Variants in PLCB1 observed in about 807,000 individuals in gnomAD.
The protein encoded by PLCB1 is phospholipase C beta 1, also known as 1-phosphatidylinositol 4,5-bisphosphate phosphodiesterase beta-1.
PLCB1 carries 46 observed loss-of-function variants against 161.8 expected under a neutral mutation model. That is an observed-to-expected ratio of 0.28 (90% CI 0.22 to 0.36). The LOEUF is 0.36. Ranked by LOEUF, PLCB1 falls within the 10% of genes least tolerant of loss-of-function variation. The pLI, the probability that PLCB1 is intolerant of heterozygous loss-of-function variation, is 1.00. For missense variants in PLCB1, 1,016 were observed against 1,472.5 expected (o/e 0.69, Z 5.07); for synonymous variants, 517 against 503.7 (o/e 1.03, Z -0.35).
intron 3 of PLCB1, among the ~76,000 whole-genome samples, chr20:8,402,311 A>T (rs925737311): frequency 6.6e-6 from 1 of 152,162 alleles, no homozygotes; most frequent in Non-Finnish European, 1.5e-5. Context: ...ATGCAAGCAG[A>T]AAATATGTCT....
intron 20 of PLCB1, among the ~76,000 whole-genome samples, chr20:8,737,608 G>A (rs555586211): frequency 6.6e-6 from 1 of 152,292 alleles, no homozygotes; most frequent in South Asian, 2.1e-4. Context: ...TAGCCTCTGA[G>A]AGCTGGTCAT....
intron 3 of PLCB1, among the ~76,000 whole-genome samples, chr20:8,560,044 T>C (rs774715272): frequency 6.6e-6 from 1 of 152,024 alleles, no homozygotes; most frequent in South Asian, 2.1e-4. Context: ...TTGTAGACTT[T>C]ATAGTCCAAG....
At chr20:8,240,278 T>TCA (rs1980534224) in intron 2 of PLCB1, among the ~76,000 whole-genome samples, 1 of 54,382 alleles carries the variant, frequency 1.8e-5, no homozygotes, top group Non-Finnish European at 3.6e-5. Context: ...TTCATGATAT[T>TCA]GACACACACA....
intron 2 of PLCB1, among the ~76,000 whole-genome samples, chr20:8,160,119 TA>T (rs2051607815): frequency 6.6e-6 from 1 of 151,876 alleles, no homozygotes; most frequent in Admixed American, 6.6e-5. Flanking sequence ...TGCTAAAACA[TA>T]ACAAGAGTGT....
intron 14 of PLCB1, among the ~76,000 whole-genome samples, chr20:8,721,816 T>A (rs1979648605): frequency 6.6e-6 from 1 of 152,278 alleles, no homozygotes; most frequent in East Asian, 1.9e-4. Flanking sequence ...GCTCCTAACT[T>A]CTTTGACTTC....
At chr20:8,459,020 TA>T in intron 3 of PLCB1, among the ~76,000 whole-genome samples, 1 of 152,340 alleles carries the variant, frequency 6.6e-6, no homozygotes, top group South Asian at 2.1e-4. Context: ...CTGATGCCAT[TA>T]GACAATTTAA....
chr20:8,622,228 T>C (rs1988205630), intron 3 of PLCB1, among the ~76,000 whole-genome samples: 1 of 148,692 alleles, frequency 6.7e-6, no homozygotes, highest in South Asian at 2.1e-4. Context: ...CATTCCAGCC[T>C]GGTGACAGAG....
rs1472842586 is a variant in PLCB1 at position 8,762,340 on chromosome 20, T to C, written c.2710+1880T>C. Reference sequence around the variant, plus strand: ...GACAAAAGGCAATGGTCTGTACCAATACATTAGCTGTGATTATATCTTGGT... The same window carrying C: ...GACAAAAGGCAATGGTCTGTACCAACACATTAGCTGTGATTATATCTTGGT... On this transcript the variant is annotated intron_variant, in intron 25 of 31. Coordinates refer to ENST00000338037, the MANE Select transcript of PLCB1 (RefSeq NM_015192.4). Among the ~76,000 whole-genome samples the C allele has an allele frequency of 2.0e-5, 3 of 152,248 alleles. No homozygotes were observed. In the East Asian group the frequency reaches 5.8e-4, roughly 29 times the overall value.
At position 8,215,291 on chromosome 20, in the gene PLCB1, C is replaced by T. The variant is rs150815543; in HGVS notation, c.177+64920C>T. On this transcript the variant is annotated intron_variant, in intron 2 of 31. Transcript: ENST00000338037. ...AATCGATTTGTTAATCTCAAAAGGC[C>T]GTAAAAACCTGAAAACTTAAGTAGC... Among the ~76,000 whole-genome samples, 321 of 151,738 alleles carry T rather than the reference C, an allele frequency of 2.1e-3. 3 individuals are homozygous for T. Among genetic ancestry groups the T allele is most frequent in the Middle Eastern group, 0.017 (5 of 294 alleles).
In PLCB1 at chr20:8,647,887, G is replaced by T; in HGVS notation, c.465-13G>T. 3.7e-6 allele frequency: 6 copies of T among 1,606,626 alleles called. No individual in the cohort carries two copies. The highest frequency in any genetic ancestry group is 5.1e-6 in the Non-Finnish European group (6 of 1,174,446). The stretch of plus-strand genomic sequence containing the variant: ...AAAAAAATCAAACCCTTGTTTTTCT[G>T]CTTCTCCAACAGCTATACTAAACTT... On this transcript the variant is annotated splice_polypyrimidine_tract_variant and intron_variant, in intron 5 of 31. Coordinates refer to ENST00000338037, the MANE Select transcript of PLCB1 (RefSeq NM_015192.4).
At chr20:8,395,038 A>G (rs1987724501) in intron 3 of PLCB1, among the ~76,000 whole-genome samples, 1 of 152,154 alleles carries the variant, frequency 6.6e-6, no homozygotes, top group Non-Finnish European at 1.5e-5. Flanking sequence ...TAAAAATTAA[A>G]TTTGACTCTC....
At chr20:8,786,590 T>G (rs1227511652) in intron 27 of PLCB1, among the ~76,000 whole-genome samples, 1 of 152,212 alleles carries the variant, frequency 6.6e-6, no homozygotes, top group Non-Finnish European at 1.5e-5. Context: ...GCCCAGGACT[T>G]GAGCCAGATG....
intron 9 of PLCB1, among the ~76,000 whole-genome samples, chr20:8,678,267 C>T (rs1990134028): frequency 6.6e-6 from 1 of 152,138 alleles, no homozygotes; most frequent in African/African-American, 2.4e-5. Flanking sequence ...AAAGACTGAA[C>T]ACTGTAACTA....
At chr20:8,731,338 C>G (rs1326306315) in intron 18 of PLCB1, among the ~76,000 whole-genome samples, 1 of 151,824 alleles carries the variant, frequency 6.6e-6, no homozygotes, top group African/African-American at 2.4e-5. Flanking sequence ...AATCGAATTG[C>G]TGTCTTCTAG....
At chr20:8,459,374 A>T (rs1376812216) in intron 3 of PLCB1, among the ~76,000 whole-genome samples, 1 of 152,166 alleles carries the variant, frequency 6.6e-6, no homozygotes, top group Admixed American at 6.5e-5. Flanking sequence ...TGAATGCTTA[A>T]TTACTTTACA....
chr20:8,530,045 C>A (rs898217600), intron 3 of PLCB1, among the ~76,000 whole-genome samples: 1 of 152,104 alleles, frequency 6.6e-6, no homozygotes, highest in African/African-American at 2.4e-5. Flanking sequence ...GCTTTTCAAT[C>A]TGGTGTGTAT....
At chr20:8,682,402 T>C (rs999502052) in intron 9 of PLCB1, among the ~76,000 whole-genome samples, 1 of 152,170 alleles carries the variant, frequency 6.6e-6, no homozygotes, top group Non-Finnish European at 1.5e-5. Flanking sequence ...CTCGGGAGGC[T>C]GAGGCAGGAG....
chr20:8,843,307 C>T (rs1483853122), intron 31 of PLCB1, among the ~76,000 whole-genome samples: 1 of 152,156 alleles, frequency 6.6e-6, no homozygotes, highest in African/African-American at 2.4e-5. Context: ...GGAATATCTA[C>T]ACTATAAATA....
chr20:8,201,252 A>AG (rs754384689), intron 2 of PLCB1, among the ~76,000 whole-genome samples: 3 of 152,128 alleles, frequency 2.0e-5, no homozygotes, highest in Non-Finnish European at 4.4e-5. Flanking sequence ...TTATTAAAAA[A>AG]GGACCCCCCT....
Sources: allele counts gnomAD v4.1 joint callset (sites outside exome capture counted in the v4.1 genomes callset), GRCh38; gene constraint gnomAD v4.1.1; transcripts MANE v1.5; gene names NCBI Gene and HGNC (gene_info 2026-07-23, HGNC 2026-07-21).